Variants in NCK2 observed in about 807,000 individuals in gnomAD.
NCK2 encodes the protein cytoplasmic protein NCK2.
NCK2 carries 16 observed loss-of-function variants against 33.9 expected under a neutral mutation model. That is an observed-to-expected ratio of 0.47 (90% CI 0.32 to 0.72). The LOEUF is 0.72. NCK2 is among the 30% of genes least tolerant of loss of function. The probability of loss-of-function intolerance (pLI) is 0.03; values close to 1 mark genes in which losing one functional copy is unlikely to be tolerated. For missense variants in NCK2, 418 were observed against 537.3 expected (o/e 0.78, Z 2.19); for synonymous variants, 273 against 239.9 (o/e 1.14, Z -1.27).
At chr2:105,890,423 T>G (rs1678921279) in intron 4 of NCK2, among the ~76,000 whole-genome samples, 2 of 152,232 alleles carry the variant, frequency 1.3e-5, no homozygotes, top group African/African-American at 4.8e-5. Context: ...TGGCTTATAG[T>G]AAACTCTATA....
intron 1 of NCK2, among the ~76,000 whole-genome samples, chr2:105,800,996 A>C (rs1674813196): frequency 6.6e-6 from 1 of 152,210 alleles, no homozygotes. Context: ...CAAATGTTCT[A>C]ATTTTCTAAA....
rs1679121881 is a variant in NCK2, at chr2:105,894,227, A to G, written c.*1051A>G. On this transcript the variant is annotated 3_prime_UTR_variant, in exon 5 of 5. Coordinates refer to ENST00000233154, the MANE Select transcript of NCK2 (RefSeq NM_003581.5). ...GGGTCTTGAGATCCCCTAAACTTGC[A>G]TACCCAGTTTTTTGGATATTGTAAT... 6.6e-6 allele frequency: 1 copy of G among 152,626 alleles called. No individual in the cohort carries two copies. Among genetic ancestry groups the G allele is most frequent in the Non-Finnish European group, 1.5e-5 (1 of 68,034 alleles). The allele number at this position is 152,626 out of a possible 1,614,324, so 9.5% of individuals were successfully genotyped here. A position where few individuals can be genotyped will look rare whatever the true frequency, so the allele number is the denominator to read the frequency against.
intron 1 of NCK2, among the ~76,000 whole-genome samples, chr2:105,756,996 G>A (rs1214192544): frequency 3.9e-5 from 6 of 151,940 alleles, no homozygotes; most frequent in Non-Finnish European, 8.8e-5. Flanking sequence ...GTAGAGATGG[G>A]GTTTCTTCAT....
At chr2:105,827,823 G>T (rs1180031364) in intron 2 of NCK2, among the ~76,000 whole-genome samples, 1 of 152,188 alleles carries the variant, frequency 6.6e-6, no homozygotes, top group African/African-American at 2.4e-5. Flanking sequence ...AGAAAGGGAG[G>T]TGGGTGTGAC....
intron 1 of NCK2, among the ~76,000 whole-genome samples, chr2:105,746,782 G>A (rs770507534): frequency 6.6e-6 from 1 of 152,210 alleles, no homozygotes; most frequent in African/African-American, 2.4e-5. Context: ...TTCTGCCCTG[G>A]AGGTTGGTTA....
At chr2:105,783,919 G>A (rs1690585391) in intron 1 of NCK2, among the ~76,000 whole-genome samples, 1 of 152,258 alleles carries the variant, frequency 6.6e-6, no homozygotes, top group South Asian at 2.1e-4. Context: ...TTTGGAATTT[G>A]CACGAGAAAA....
chr2:105,845,320 G>A (rs1230147854), intron 2 of NCK2, among the ~76,000 whole-genome samples: 1 of 151,982 alleles, frequency 6.6e-6, no homozygotes, highest in Non-Finnish European at 1.5e-5. Context: ...AGGTGGCAAG[G>A]AAAAAGGTCA....
chr2:105,869,350 C>G (rs1332804748), intron 3 of NCK2, among the ~76,000 whole-genome samples: 2 of 152,178 alleles, frequency 1.3e-5, no homozygotes, highest in African/African-American at 2.4e-5. Context: ...TGTCAACACC[C>G]CGCTGAGTGC....
chr2:105,832,529 T>A (rs1573174196), intron 2 of NCK2, among the ~76,000 whole-genome samples: 1 of 152,244 alleles, frequency 6.6e-6, no homozygotes, highest in African/African-American at 2.4e-5. Context: ...TTTATCAAAA[T>A]GGTTTTCTAC....
chr2:105,881,678 G>C lies in NCK2; in HGVS notation c.577G>C (p.Gly193Arg). The C allele has an allele frequency of 1.2e-6, 2 of 1,613,782 alleles. No homozygotes were observed. Among genetic ancestry groups the C allele is most frequent in the Non-Finnish European group, 1.7e-6 (2 of 1,179,794 alleles). Residue 193 changes from glycine to arginine, a missense_variant, in exon 4 of 5, where the codon GGC becomes CGC. Transcript: ENST00000233154. Reference sequence around the variant, plus strand: ...GGGCGCCTCGCTGAGCAATGGCCAGGGCTCCCGCGTGCTGCATGTGGTCCA... The same window carrying C: ...GGGCGCCTCGCTGAGCAATGGCCAGCGCTCCCGCGTGCTGCATGTGGTCCA... Reference protein sequence around the residue: ...RKGASLSNGQGSRVLHVVQTL... With the variant: ...RKGASLSNGQRSRVLHVVQTL...
intron 1 of NCK2, among the ~76,000 whole-genome samples, chr2:105,802,202 A>G (rs987748216): frequency 6.6e-6 from 1 of 152,194 alleles, no homozygotes; most frequent in Non-Finnish European, 1.5e-5. Context: ...AACTGATGTG[A>G]TGAAGTGGAA....
intron 1 of NCK2, among the ~76,000 whole-genome samples, chr2:105,802,271 G>A (rs1674869492): frequency 6.6e-6 from 1 of 152,226 alleles, no homozygotes; most frequent in Admixed American, 6.5e-5. Context: ...CAAATGTGGT[G>A]TGGGAGGCTG....
At chr2:105,835,746 T>A (rs1387909236) in intron 2 of NCK2, among the ~76,000 whole-genome samples, 1 of 151,974 alleles carries the variant, frequency 6.6e-6, no homozygotes. Context: ...CTCCTCCATT[T>A]AGAAATCCCA....
rs529107908 is a variant in NCK2, at chr2:105,858,308, G to A, written c.226+3019G>A. Among the ~76,000 whole-genome samples, 7 of 152,264 alleles carry A rather than the reference G, an allele frequency of 4.6e-5. No individual in the cohort carries two copies. The East Asian group carries it at 1.2e-3, about 25-fold the overall frequency. The stretch of plus-strand genomic sequence containing the variant: ...GGGCCTCACTCTGTTGCCTAGGCTG[G>A]AGTGCAGTGGCACAATCCCTGCTTA... On this transcript the variant is annotated intron_variant, in intron 3 of 4. Transcript: ENST00000233154.
Position 105,864,054 on chromosome 2 carries a change from C to T in NCK2, c.226+8765C>T, listed in dbSNP as rs546003574. 5.3e-5 allele frequency among the ~76,000 whole-genome samples: 8 copies of T among 151,972 alleles called. No homozygotes were observed. In the South Asian group the frequency reaches 8.4e-4, roughly 16 times the overall value. On this transcript the variant is annotated intron_variant, in intron 3 of 4. Transcript: ENST00000233154. ...AACCCATAGGTGTGGGGAAGGCCAT[C>T]GGCGAGCCAGCCGGACTGGGGTGAG...
chr2:105,807,369 A>G (rs142287310), intron 1 of NCK2, among the ~76,000 whole-genome samples: 22 of 152,366 alleles, frequency 1.4e-4, no homozygotes, highest in African/African-American at 5.0e-4. Flanking sequence ...ATTCTGGGCT[A>G]TGGGAAAGCC....
intron 1 of NCK2, among the ~76,000 whole-genome samples, chr2:105,806,747 G>A (rs1675059075): frequency 6.6e-6 from 1 of 152,152 alleles, no homozygotes; most frequent in Non-Finnish European, 1.5e-5. Context: ...ATCAGAGGAA[G>A]AGGATAACAT....
At chr2:105,789,933 C>T (rs965164985) in intron 1 of NCK2, among the ~76,000 whole-genome samples, 5 of 152,222 alleles carry the variant, frequency 3.3e-5, no homozygotes, top group African/African-American at 7.2e-5. Context: ...TAAATGTTCA[C>T]GAATGGATGT....
At chr2:105,752,356 A>G (rs369625436) in intron 1 of NCK2, among the ~76,000 whole-genome samples, 25 of 152,306 alleles carry the variant, frequency 1.6e-4, no homozygotes, top group African/African-American at 6.0e-4. Flanking sequence ...TCAGCACATG[A>G]TGTTTTAGAG....
Sources: allele counts gnomAD v4.1 joint callset (sites outside exome capture counted in the v4.1 genomes callset), GRCh38; gene constraint gnomAD v4.1.1; transcripts MANE v1.5; gene names NCBI Gene and HGNC (gene_info 2026-07-23, HGNC 2026-07-21).